The following C2CD3 variants were observed in gnomAD, a reference collection of about 807,000 sequenced individuals.
C2CD3 encodes C2 domain containing 3 centriole elongation regulator, also known as C2 domain-containing protein 3.
C2CD3 carries 148 observed loss-of-function variants against 234.0 expected under a neutral mutation model. The ratio of observed to expected loss-of-function variants is 0.63; its 90% confidence interval spans 0.55 to 0.72. C2CD3 has a LOEUF of 0.72. Among genes scored for constraint, C2CD3 ranks in the 30% least tolerant of loss-of-function variants. The pLI is 0.00. For synonymous variants in C2CD3, 1,000 were observed against 1,035.4 expected, an observed-to-expected ratio of 0.97 and a Z score of 0.66; for missense variants, 2,577 against 2,811.5, an observed-to-expected ratio of 0.92 and a Z score of 1.89.
At chr11:74,087,462 G>C (rs1288746803) in intron 20 of C2CD3, among the ~76,000 whole-genome samples, 1 of 152,016 alleles carries the variant, frequency 6.6e-6, no homozygotes, top group African/African-American at 2.4e-5. Flanking sequence ...CTACTCAGAG[G>C]CTGAGTCAGG....
intron 23 of C2CD3, among the ~76,000 whole-genome samples, chr11:74,075,903 C>CA: frequency 6.6e-6 from 1 of 152,238 alleles, no homozygotes; most frequent in Non-Finnish European, 1.5e-5. Flanking sequence ...AAGACCCTTG[C>CA]ACAAGAGGAT....
At chr11:74,074,752 A>G (rs1565259184) in intron 23 of C2CD3, 152 bp from the exon 24 acceptor site, 2 of 641,754 alleles carry the variant, frequency 3.1e-6, no homozygotes, top group African/African-American at 3.7e-5. Context: ...TGAAGCTGGT[A>G]GAAAACATGA....
chr11:74,098,365 G>T, intron 15 of C2CD3, 110 bp from the exon 16 acceptor site: 1 of 1,132,498 alleles, frequency 8.8e-7, no homozygotes, highest in Non-Finnish European at 1.3e-6. Flanking sequence ...TTTGCAACTG[G>T]AAAAGTAATA....
chr11:74,084,007 G>C (rs186774849), intron 22 of C2CD3, among the ~76,000 whole-genome samples: 3 of 152,038 alleles, frequency 2.0e-5, no homozygotes, highest in Non-Finnish European at 4.4e-5. Context: ...TGTTTATTGC[G>C]GCACTATTCA....
chr11:74,119,546 T>C (rs1181600859), intron 8 of C2CD3, among the ~76,000 whole-genome samples: 1 of 152,116 alleles, frequency 6.6e-6, no homozygotes, highest in Non-Finnish European at 1.5e-5. Context: ...TTTTTCAGCA[T>C]GTCAGGGGGT....
rs1393429790 is a variant in C2CD3 at position 74,074,433 on chromosome 11, C to T, written c.4771G>A (p.Glu1591Lys). 1.9e-6 allele frequency: 3 copies of T among 1,614,190 alleles called. No individual in the cohort carries two copies. The highest frequency in any genetic ancestry group is 2.5e-6 in the Non-Finnish European group (3 of 1,180,032). ...ACTTCTGGTGGAGAGAGCTGGACCT[C>T]ATCATTCCTTCTGGGGAGCTGCTCA... is the stretch of plus-strand genomic sequence containing the variant. ...ESEQLPRRNDEVQLSPPEVIS... is the reference protein window; with the variant it reads ...ESEQLPRRNDKVQLSPPEVIS... The change falls in exon 24 of 33, where the codon GAG becomes AAG. Residue 1591 changes from glutamate to lysine, a missense_variant. Transcript: ENST00000334126.
Position 74,092,526 on chromosome 11 carries a change from A to G in C2CD3, c.3407T>C (p.Ile1136Thr), listed in dbSNP as rs921289832. 6.2e-7 allele frequency: 1 copy of G among 1,613,854 alleles called. No homozygotes were observed. Among genetic ancestry groups the G allele is most frequent in the African/African-American group, 1.3e-5 (1 of 74,904 alleles). Reference protein sequence around the residue: ...VAKGTLPLSRICAMVTTQHRE... With the variant: ...VAKGTLPLSRTCAMVTTQHRE... ...ATGCTGGGTGGTTACCATAGCACAG[A>G]TCCTTGATAATGGCAAGGTTCCTTT... The change falls in exon 19 of 33, where the codon ATC becomes ACC. Residue 1136 changes from isoleucine to threonine, a missense_variant. By Grantham distance (89) the Ile-to-Thr change is moderately conservative. Coordinates refer to ENST00000334126, the MANE Select transcript of C2CD3 (RefSeq NM_001286577.2).
At chr11:74,119,976 TTTAAG>T (rs1245910051) in intron 8 of C2CD3, among the ~76,000 whole-genome samples, 1 of 152,298 alleles carries the variant, frequency 6.6e-6, no homozygotes, top group Non-Finnish European at 1.5e-5. Context: ...GATTTTTGCC[TTTAAG>T]TTATCCTTTG....
chr11:74,043,623 C>T (rs1417191830), intron 28 of C2CD3, among the ~76,000 whole-genome samples: 1 of 152,050 alleles, frequency 6.6e-6, no homozygotes, highest in Non-Finnish European at 1.5e-5. Flanking sequence ...TTTATCTACC[C>T]CTTCCTAAGG....
chr11:74,065,769 T>A (rs888002982), intron 24 of C2CD3, among the ~76,000 whole-genome samples: 1 of 151,700 alleles, frequency 6.6e-6, no homozygotes, highest in African/African-American at 2.4e-5. Context: ...TGTAAGGACA[T>A]GGATGAAGCT....
At chr11:74,150,406 TGAACCTGG>T (rs1006629825) in intron 3 of C2CD3, among the ~76,000 whole-genome samples, 2 of 145,166 alleles carry the variant, frequency 1.4e-5, no homozygotes, top group African/African-American at 5.2e-5. Context: ...GAGAATCACT[TGAACCTGG>T]GAAGCAGAGG....
intron 3 of C2CD3, among the ~76,000 whole-genome samples, chr11:74,153,286 T>C (rs765390573): frequency 1.3e-5 from 2 of 152,056 alleles, no homozygotes; most frequent in Non-Finnish European, 1.5e-5. Context: ...TGCTTTCCTA[T>C]GAAAAGAAAG....
chr11:74,090,201 G>A (rs986539103), intron 20 of C2CD3, among the ~76,000 whole-genome samples: 1 of 152,132 alleles, frequency 6.6e-6, no homozygotes, highest in Non-Finnish European at 1.5e-5. Context: ...GGGTCTCATA[G>A]CCATTTTAAG....
At chr11:74,084,089 T>C (rs1213250199) in intron 22 of C2CD3, among the ~76,000 whole-genome samples, 2 of 152,148 alleles carry the variant, frequency 1.3e-5, no homozygotes, top group South Asian at 2.1e-4. Flanking sequence ...GTGGCACATA[T>C]ACACCATGGA....
chr11:74,023,508 A>G (rs974198908), intron 32 of C2CD3, among the ~76,000 whole-genome samples: 1 of 152,212 alleles, frequency 6.6e-6, no homozygotes, highest in Non-Finnish European at 1.5e-5. Context: ...ACTTCCATCA[A>G]CTTGAAACCC....
At chr11:74,093,784 C>A in intron 18 of C2CD3, 32 bp downstream of exon 18, 1 of 1,580,506 alleles carries the variant, frequency 6.3e-7, no homozygotes, top group South Asian at 1.1e-5. Flanking sequence ...CACTTCCTTC[C>A]TAGGCATAGG....
chr11:74,136,674 C>T (rs542211342), intron 5 of C2CD3, among the ~76,000 whole-genome samples: 1 of 152,250 alleles, frequency 6.6e-6, no homozygotes, highest in South Asian at 2.1e-4. Flanking sequence ...TAAGTGGCAG[C>T]TGTTTTCTCC....
chr11:74,082,679 C>T (rs1015263021), intron 22 of C2CD3, among the ~76,000 whole-genome samples: 4 of 152,134 alleles, frequency 2.6e-5, no homozygotes, highest in South Asian at 2.1e-4. Context: ...CTGCTGGATT[C>T]GCCCCCCTGT....
At chr11:74,062,532 C>A (rs1591367640) in intron 24 of C2CD3, among the ~76,000 whole-genome samples, 1 of 151,886 alleles carries the variant, frequency 6.6e-6, no homozygotes, top group African/African-American at 2.4e-5. Context: ...CTACTGGGTA[C>A]ATAACGAAAT....
Sources: allele counts gnomAD v4.1 joint callset (sites outside exome capture counted in the v4.1 genomes callset), GRCh38; gene constraint gnomAD v4.1.1; transcripts MANE v1.5; gene names NCBI Gene and HGNC (gene_info 2026-07-23, HGNC 2026-07-21).